Variants in SRP72 observed in about 807,000 individuals in gnomAD.
The protein encoded by SRP72 is signal recognition particle 72.
In SRP72, 49 loss-of-function variants were observed where a neutral mutation model predicts 96.3. The observed-to-expected ratio is 0.51, with a 90% confidence interval of 0.40 to 0.65. The LOEUF is 0.65. Among genes scored for constraint, SRP72 ranks in the 30% least tolerant of loss-of-function variants. The pLI, the probability that SRP72 is intolerant of heterozygous loss-of-function variation, is 0.00. For synonymous variants in SRP72, 267 were observed against 275.2 expected (o/e 0.97, Z 0.30); for missense variants, 736 against 793.3 (o/e 0.93, Z 0.87).
rs1164112968 is a variant in SRP72, at chr4:56,478,442, C to T, written c.706C>T (p.Leu236=). The change falls in exon 7 of 19, where the codon CTG becomes TTG. Residue 236 remains leucine (L), a synonymous_variant. Transcript: ENST00000642900. The part of the protein sequence containing the change: ...AIIHGQMAYI[L]QLQGRTEEAL... ...CATTCATGGTCAGATGGCTTATATT[C>T]TGCAGCTTCAGGGTCGAACAGAGGA... is the stretch of plus-strand genomic sequence containing the variant. 3 of 1,613,588 alleles carry T rather than the reference C, an allele frequency of 1.9e-6. No homozygotes were observed. Among genetic ancestry groups the T allele is most frequent in the Admixed American group, 3.3e-5 (2 of 59,990 alleles).
intron 16 of SRP72, among the ~76,000 whole-genome samples, chr4:56,494,786 T>C (rs1191083864): frequency 1.3e-5 from 2 of 152,126 alleles, no homozygotes; most frequent in South Asian, 2.1e-4. Flanking sequence ...GTACTTAATA[T>C]AGATTTTACT....
intron 16 of SRP72, among the ~76,000 whole-genome samples, chr4:56,494,550 C>G (rs567694499): frequency 6.6e-6 from 1 of 151,812 alleles, no homozygotes. Context: ...ATTACAGGCA[C>G]GCACTGCCAC....
chr4:56,482,960 G>T, intron 8 of SRP72, among the ~76,000 whole-genome samples, 179 bp from the exon 9 acceptor site: 1 of 152,264 alleles, frequency 6.6e-6, no homozygotes, highest in South Asian at 2.1e-4. Flanking sequence ...GATTCAAAAA[G>T]AGTAGATTTG....
At chr4:56,481,526 T>TG (rs979490555) in intron 8 of SRP72, among the ~76,000 whole-genome samples, 9 of 152,136 alleles carry the variant, frequency 5.9e-5, no homozygotes, top group Admixed American at 5.9e-4. Flanking sequence ...TTTATGCTTT[T>TG]GCTTGGCTAA....
chr4:56,485,859 T>C (rs1289358109), intron 10 of SRP72, among the ~76,000 whole-genome samples: 1 of 152,154 alleles, frequency 6.6e-6, no homozygotes, highest in Non-Finnish European at 1.5e-5. Context: ...ACTGAACATA[T>C]ACAAACTTTA....
At chr4:56,492,569 T>C (rs1377940898) in intron 16 of SRP72, among the ~76,000 whole-genome samples, 1 of 152,200 alleles carries the variant, frequency 6.6e-6, no homozygotes, top group Non-Finnish European at 1.5e-5. Context: ...AATCTAAATT[T>C]TTCCCTAACT....
intron 5 of SRP72, 158 bp from the exon 6 acceptor site, chr4:56,476,513 A>T (rs1160025686): frequency 2.8e-6 from 2 of 708,442 alleles, no homozygotes; most frequent in East Asian, 5.4e-5. Context: ...GATAATATAT[A>T]TGTAGTATAT....
chr4:56,471,472 T>C (rs1344074425), intron 2 of SRP72, among the ~76,000 whole-genome samples: 1 of 152,240 alleles, frequency 6.6e-6, no homozygotes, highest in Non-Finnish European at 1.5e-5. Flanking sequence ...TAAATGTTTA[T>C]TTCAAAAGGC....
At position 56,489,429 on chromosome 4, in the gene SRP72, T is replaced by C; in HGVS notation, c.1266T>C (p.Ile422=). The change falls in exon 13 of 19, where the codon ATT becomes ATC. Residue 422 remains isoleucine, a synonymous_variant. Coordinates refer to ENST00000642900, the MANE Select transcript of SRP72 (RefSeq NM_006947.4). ...LVTMYSHEED[I]DSAIEVFTQA... ...CCATGTATAGCCATGAAGAAGATAT[T>C]GATAGTGCCATTGAGGTCTTCACAC... The C allele has an allele frequency of 1.9e-6, 3 of 1,603,548 alleles. No individual in the cohort carries two copies. Among genetic ancestry groups the C allele is most frequent in the Non-Finnish European group, 2.6e-6 (3 of 1,172,852 alleles).
chr4:56,490,768 A>G (rs1329457919), intron 15 of SRP72, 123 bp downstream of exon 15: 35 of 764,574 alleles, frequency 4.6e-5, no homozygotes, highest in Non-Finnish European at 6.7e-5. Flanking sequence ...CCTTTTAACT[A>G]GTAAAACCAA....
intron 5 of SRP72, among the ~76,000 whole-genome samples, chr4:56,474,896 G>T (rs1720146176): frequency 1.3e-5 from 2 of 152,180 alleles, no homozygotes; most frequent in African/African-American, 4.8e-5. Context: ...TGTTGGCCAG[G>T]CTAGTCTCAA....
intron 5 of SRP72, chr4:56,476,412 T>C (rs1720224787): frequency 2.1e-6 from 1 of 470,804 alleles, no homozygotes; most frequent in African/African-American, 2.0e-5. Flanking sequence ...ATTTACTACA[T>C]TTGTATTTTT....
intron 11 of SRP72, among the ~76,000 whole-genome samples, chr4:56,487,276 G>A (rs905011272): frequency 6.6e-6 from 1 of 152,072 alleles, no homozygotes; most frequent in Non-Finnish European, 1.5e-5. Context: ...CCTTAGTAGG[G>A]CAATAATGAA....
At chr4:56,494,884 A>G (rs1721024869) in intron 16 of SRP72, among the ~76,000 whole-genome samples, 1 of 152,078 alleles carries the variant, frequency 6.6e-6, no homozygotes, top group Non-Finnish European at 1.5e-5. Context: ...ATCCGTGTCT[A>G]CCCACCTCCC....
At chr4:56,483,571 C>T (rs1720583526) in intron 9 of SRP72, among the ~76,000 whole-genome samples, 2 of 151,896 alleles carry the variant, frequency 1.3e-5, no homozygotes, top group South Asian at 4.2e-4. Context: ...TGCCTGTAGT[C>T]CCAGCTACTC....
At chr4:56,473,317 A>C (rs1032841438) in intron 3 of SRP72, among the ~76,000 whole-genome samples, 1 of 151,992 alleles carries the variant, frequency 6.6e-6, no homozygotes, top group Non-Finnish European at 1.5e-5. Context: ...AAAATTAGCC[A>C]GGTGTGGTGG....
chr4:56,468,585 G>A (rs1171686572), intron 1 of SRP72, among the ~76,000 whole-genome samples: 2 of 152,034 alleles, frequency 1.3e-5, no homozygotes, highest in African/African-American at 4.8e-5. Context: ...GCAGGGCTTA[G>A]CTGTTCAGAG....
intron 9 of SRP72, among the ~76,000 whole-genome samples, chr4:56,483,691 A>G (rs1226156786): frequency 6.6e-6 from 1 of 152,092 alleles, no homozygotes. Flanking sequence ...AAAAAGAAAG[A>G]ATATTATGTG....
At chr4:56,482,692 G>C (rs1720550547) in intron 8 of SRP72, among the ~76,000 whole-genome samples, 1 of 152,194 alleles carries the variant, frequency 6.6e-6, no homozygotes, top group African/African-American at 2.4e-5. Flanking sequence ...AGAGGGCATA[G>C]CTTGTAGAAA....
Sources: allele counts gnomAD v4.1 joint callset (sites outside exome capture counted in the v4.1 genomes callset), GRCh38; gene constraint gnomAD v4.1.1; transcripts MANE v1.5; gene names NCBI Gene and HGNC (gene_info 2026-07-23, HGNC 2026-07-21).